ARL15: variants seen among roughly 807,000 people sequenced by gnomAD.
ARL15 encodes ADP-ribosylation factor-like protein 15.
In ARL15, 19 loss-of-function variants were observed where a neutral mutation model predicts 25.2. The ratio of observed to expected loss-of-function variants is 0.75; its 90% confidence interval spans 0.53 to 1.10. ARL15 has a LOEUF of 1.10. ARL15 is among the 50% of genes least tolerant of loss of function. The pLI is 0.00. For synonymous variants in ARL15, 94 were observed against 86.8 expected (o/e 1.08, Z -0.46); for missense variants, 220 against 246.0 (o/e 0.89, Z 0.71).
intron 1 of ARL15, among the ~76,000 whole-genome samples, chr5:54,198,364 T>G (rs1361262852): frequency 3.9e-5 from 6 of 152,188 alleles, no homozygotes; most frequent in African/African-American, 1.4e-4. Context: ...TTGTCCCTGT[T>G]TGCAGACGAC....
intron 3 of ARL15, among the ~76,000 whole-genome samples, chr5:54,117,861 A>G (rs1752952551): frequency 6.6e-6 from 1 of 152,232 alleles, no homozygotes; most frequent in African/African-American, 2.4e-5. Context: ...TTTGTTTTCA[A>G]GCAAAAGCTA....
At chr5:53,893,462 G>A (rs901106680) in intron 4 of ARL15, among the ~76,000 whole-genome samples, 5 of 152,110 alleles carry the variant, frequency 3.3e-5, no homozygotes, top group African/African-American at 1.2e-4. Context: ...AAAAAAATTA[G>A]CAGGGCGTGG....
intron 4 of ARL15, among the ~76,000 whole-genome samples, chr5:54,032,617 A>G (rs575651973): frequency 4.3e-4 from 66 of 152,050 alleles, no homozygotes; most frequent in Non-Finnish European, 7.1e-4. Flanking sequence ...AAAATGTGAC[A>G]GGCAAGAGAA....
At chr5:54,150,106 A>G (rs991255242) in intron 3 of ARL15, among the ~76,000 whole-genome samples, 3 of 152,216 alleles carry the variant, frequency 2.0e-5, no homozygotes, top group African/African-American at 4.8e-5. Context: ...GGCACCTCTT[A>G]CTTGGTTTAT....
chr5:54,076,360 G>A (rs1389624393), intron 4 of ARL15, among the ~76,000 whole-genome samples: 1 of 151,790 alleles, frequency 6.6e-6, no homozygotes, highest in Admixed American at 6.6e-5. Context: ...GGCGGAGCTT[G>A]CAGTGAGCTG....
chr5:54,286,481 A>C (rs1758182550), intron 1 of ARL15: 1 of 152,256 alleles, frequency 6.6e-6, no homozygotes, highest in South Asian at 2.1e-4. Flanking sequence ...TGTGAAATTC[A>C]ATCACAAAGA....
In ARL15 at chr5:54,052,143, T is replaced by C. The variant is rs185762147; in HGVS notation, c.462+61059A>G. Among the ~76,000 whole-genome samples the C allele has an allele frequency of 2.0e-3, 303 of 152,232 alleles. 2 individuals carry two copies. The highest frequency in any genetic ancestry group is 0.01 in the Middle Eastern group (3 of 294). On this transcript the variant is annotated intron_variant, in intron 4 of 4. Transcript: ENST00000504924. ...GGGTTCAGAGTGGGAGAGACAAATA[T>C]GTAAAACATAGGGGATTTTTTTTAT...
intron 1 of ARL15, among the ~76,000 whole-genome samples, chr5:54,298,902 T>C (rs1758540756): frequency 6.6e-6 from 1 of 151,176 alleles, no homozygotes; most frequent in Non-Finnish European, 1.5e-5. Flanking sequence ...GGTTTTTTTT[T>C]CCTTTGCATT....
chr5:53,976,590 G>A (rs1422896001), intron 4 of ARL15, among the ~76,000 whole-genome samples: 12 of 152,208 alleles, frequency 7.9e-5, no homozygotes, highest in East Asian at 1.9e-4. Context: ...GCCCCAAACC[G>A]TAGTCTAGAA....
At chr5:53,968,810 G>A (rs565442948) in intron 4 of ARL15, among the ~76,000 whole-genome samples, 82 of 151,592 alleles carry the variant, frequency 5.4e-4, no homozygotes, top group African/African-American at 1.8e-3. Context: ...CTCCCGGCCC[G>A]ATATAGGGCA....
chr5:54,246,044 C>A (rs1757078806), intron 1 of ARL15, among the ~76,000 whole-genome samples: 1 of 152,098 alleles, frequency 6.6e-6, no homozygotes, highest in South Asian at 2.1e-4. Context: ...GGGGAAGTGT[C>A]ATTGATAGAT....
intron 1 of ARL15, among the ~76,000 whole-genome samples, chr5:54,243,319 G>A (rs1289880059): frequency 6.6e-6 from 1 of 152,050 alleles, no homozygotes; most frequent in Non-Finnish European, 1.5e-5. Flanking sequence ...TGTAATCTAG[G>A]AAAACTCAAA....
chr5:53,910,633 T>TTATATACATATA lies in ARL15; in HGVS notation c.463-23921_463-23920insTATATGTATATA, dbSNP rs1745420945. Among the ~76,000 whole-genome samples, 5 of 55,018 alleles carry TTATATACATATA rather than the reference T, an allele frequency of 9.1e-5. 1 individual carries two copies. The Admixed American group carries it at 1.0e-3, about 11-fold the overall frequency. 36.1% of individuals were successfully genotyped at this position (55,018 alleles called of 152,430 possible). A position where few individuals can be genotyped will look rare whatever the true frequency, so the allele number is the denominator to read the frequency against. On this transcript the variant is annotated intron_variant, in intron 4 of 4. Coordinates refer to ENST00000504924, the MANE Select transcript of ARL15 (RefSeq NM_019087.3). ...GAACTTAAAGTATAATAAAAAAAAATTATATATATATATATATATATATAT... is the reference window on the plus strand; with the variant it reads ...GAACTTAAAGTATAATAAAAAAAAATTATATACATATATATATATATATATATATATATATAT...
chr5:54,252,720 GTTTGT>G (rs1757265218), intron 1 of ARL15, among the ~76,000 whole-genome samples: 1 of 152,092 alleles, frequency 6.6e-6, no homozygotes, highest in South Asian at 2.1e-4. Context: ...GAGAGAACAA[GTTTGT>G]TTTGTTTTGT....
chr5:54,056,439 T>C (rs1005681326), intron 4 of ARL15, among the ~76,000 whole-genome samples: 1 of 151,864 alleles, frequency 6.6e-6, no homozygotes, highest in African/African-American at 2.4e-5. Context: ...CGAAACAGCC[T>C]GGCCAACACG....
At chr5:54,115,675 T>A (rs1752878548) in intron 3 of ARL15, among the ~76,000 whole-genome samples, 1 of 152,186 alleles carries the variant, frequency 6.6e-6, no homozygotes, top group Non-Finnish European at 1.5e-5. Context: ...GGTATATATT[T>A]AATAAGAGGA....
At chr5:54,094,425 CAAAA>C (rs1194442107) in intron 4 of ARL15, among the ~76,000 whole-genome samples, 4 of 111,932 alleles carry the variant, frequency 3.6e-5, no homozygotes, top group Non-Finnish European at 7.7e-5. Context: ...TAACATAGCA[CAAAA>C]AAAAAAAACC....
chr5:54,169,956 T>C (rs39671), intron 2 of ARL15, among the ~76,000 whole-genome samples: 29,435 of 152,048 alleles, frequency 0.19, 3,619 homozygotes, highest in Admixed American at 0.31. Context: ...CTTTAACAGC[T>C]CCACAGTTTC....
intron 4 of ARL15, among the ~76,000 whole-genome samples, chr5:53,954,095 TAAA>T (rs11325411): frequency 1.6e-4 from 23 of 141,210 alleles, no homozygotes; most frequent in Admixed American, 2.8e-4. Flanking sequence ...ATCTTCTACT[TAAA>T]AAAAAAAAAA....
Sources: gnomAD v4.1 joint callset for allele counts (sites outside exome capture counted in the v4.1 genomes callset) on GRCh38, gnomAD v4.1.1 for gene constraint, MANE v1.5 for transcripts, NCBI Gene and HGNC (gene_info 2026-07-23, HGNC 2026-07-21) for gene names.